Variants in RASAL2 observed in about 807,000 individuals in gnomAD.
The protein encoded by RASAL2 is ras GTPase-activating protein nGAP.
A neutral mutation model predicts 128.9 loss-of-function variants in RASAL2; 58 were observed. That is an observed-to-expected ratio of 0.45 (90% CI 0.36 to 0.56). RASAL2 has a LOEUF of 0.56. Ranked by LOEUF, RASAL2 falls within the 20% of genes least tolerant of loss-of-function variation. The pLI is 0.00. For synonymous variants in RASAL2, 561 were observed against 580.8 expected, an observed-to-expected ratio of 0.97 and a Z score of 0.49; for missense variants, 1,360 against 1,601.6, an observed-to-expected ratio of 0.85 and a Z score of 2.57.
chr1:178,464,416 G>A lies in RASAL2; in HGVS notation c.3387+4G>A, dbSNP rs373963859. The A allele has an allele frequency of 7.8e-5, 126 of 1,612,298 alleles. No homozygotes were observed. The highest frequency in any genetic ancestry group is 1.0e-4 in the Non-Finnish European group (121 of 1,179,388). On this transcript the variant is annotated splice_donor_region_variant and intron_variant, in intron 15 of 17. Transcript: ENST00000367649. Reference sequence around the variant, plus strand: ...TGAAGCCAAGCATGCTGAGAAGGTAGAACCTAGTCTGCTTCATCAACTTTC... The same window carrying A: ...TGAAGCCAAGCATGCTGAGAAGGTAAAACCTAGTCTGCTTCATCAACTTTC...
chr1:178,105,499 G>A (rs1659054924), intron 1 of RASAL2, among the ~76,000 whole-genome samples: 1 of 152,146 alleles, frequency 6.6e-6, no homozygotes, highest in Non-Finnish European at 1.5e-5. Flanking sequence ...TAATACTCTG[G>A]AGGTTTGTAG....
intron 2 of RASAL2, among the ~76,000 whole-genome samples, chr1:178,297,390 T>G (rs1039011865): frequency 6.6e-6 from 1 of 151,314 alleles, no homozygotes; most frequent in Non-Finnish European, 1.5e-5. Flanking sequence ...TCACCTGAGG[T>G]CAGGAGTTTG....
chr1:178,175,975 G>C (rs1002804988), intron 1 of RASAL2, among the ~76,000 whole-genome samples: 1 of 152,118 alleles, frequency 6.6e-6, no homozygotes, highest in Non-Finnish European at 1.5e-5. Flanking sequence ...ACTTAGGTTA[G>C]TTCCATGTCT....
At chr1:178,276,876 C>T (rs1260916728) in intron 1 of RASAL2, among the ~76,000 whole-genome samples, 5 of 151,850 alleles carry the variant, frequency 3.3e-5, no homozygotes, top group African/African-American at 9.7e-5. Context: ...TGGCCGGGCA[C>T]AGTGGCTCAT....
At position 178,459,946 on chromosome 1, in the gene RASAL2, G is replaced by A. The variant is rs192350575; in HGVS notation, c.3252+1402G>A. ...ATTTTTTATATATAAATGTGTATGT[G>A]TATATAAGCATAAAATGTATGTGTT... On this transcript the variant is annotated intron_variant, in intron 14 of 17. Coordinates refer to ENST00000367649, the MANE Select transcript of RASAL2 (RefSeq NM_170692.4). 4.6e-5 allele frequency among the ~76,000 whole-genome samples: 7 copies of A among 152,260 alleles called. No individual in the cohort carries two copies. In the East Asian group the frequency reaches 1.3e-3, roughly 29 times the overall value.
At chr1:178,146,775 A>G (rs368415372) in intron 1 of RASAL2, among the ~76,000 whole-genome samples, 5 of 152,226 alleles carry the variant, frequency 3.3e-5, no homozygotes, top group Non-Finnish European at 5.9e-5. Context: ...TATATTTGCT[A>G]TAAGATTGCT....
At chr1:178,103,190 C>T (rs548605634) in intron 1 of RASAL2, among the ~76,000 whole-genome samples, 15 of 152,140 alleles carry the variant, frequency 9.9e-5, no homozygotes, top group South Asian at 2.1e-4. Context: ...TTCTTCCCCC[C>T]GCCCCTCACT....
rs899144666 is a variant in RASAL2 at position 178,309,462 on chromosome 1, C to T, written c.457+9344C>T. Among the ~76,000 whole-genome samples, 9 of 152,118 alleles carry T rather than the reference C, an allele frequency of 5.9e-5. No individual in the cohort carries two copies. The East Asian group carries it at 1.7e-3, about 29-fold the overall frequency. On this transcript the variant is annotated intron_variant, in intron 3 of 17. Coordinates refer to ENST00000367649, the MANE Select transcript of RASAL2 (RefSeq NM_170692.4). ...TTATGAATAATTAAGGTAGAAAACC[C>T]TGGAAAAATCTTCCTCAAGGTTTTG...
At chr1:178,122,291 A>T (rs1158764267) in intron 1 of RASAL2, among the ~76,000 whole-genome samples, 1 of 152,208 alleles carries the variant, frequency 6.6e-6, no homozygotes, top group Non-Finnish European at 1.5e-5. Flanking sequence ...AAAAAATACG[A>T]CAAGTATGGG....
At chr1:178,416,892 G>A (rs2102731543) in intron 4 of RASAL2, among the ~76,000 whole-genome samples, 1 of 151,476 alleles carries the variant, frequency 6.6e-6, no homozygotes, top group African/African-American at 2.4e-5. Flanking sequence ...GGCTTCTTTA[G>A]GATTTTTTCT....
intron 3 of RASAL2, among the ~76,000 whole-genome samples, chr1:178,356,185 A>C (rs888599031): frequency 3.3e-5 from 5 of 151,534 alleles, no homozygotes; most frequent in Admixed American, 6.6e-5. Context: ...AAAAAAAAAA[A>C]AAAACCCACA....
intron 1 of RASAL2, among the ~76,000 whole-genome samples, chr1:178,225,928 C>T (rs1663769314): frequency 6.6e-6 from 1 of 152,140 alleles, no homozygotes; most frequent in Admixed American, 6.5e-5. Flanking sequence ...TCTTAGCACA[C>T]TATCATGAGC....
chr1:178,110,064 A>G (rs941187228), intron 1 of RASAL2, among the ~76,000 whole-genome samples: 2 of 152,174 alleles, frequency 1.3e-5, no homozygotes, highest in Non-Finnish European at 2.9e-5. Context: ...AATTGCAACA[A>G]CAAACTACAC....
rs944046019 is a variant in RASAL2, at chr1:178,094,304, G to A, written c.-189G>A. The A allele has an allele frequency of 1.7e-6, 1 of 571,998 alleles. No homozygotes were observed. Among genetic ancestry groups the A allele is most frequent in the East Asian group, 3.2e-5 (1 of 30,880 alleles). 35.4% of individuals were successfully genotyped at this position (571,998 alleles called of 1,614,324 possible). A position where few individuals can be genotyped will look rare whatever the true frequency, so the allele number is the denominator to read the frequency against. ...TGGGTCCCGCCCGCCGACTGCAGGT[G>A]GGCTGCATCGCCCGAGCCTCGGGCA... On this transcript the variant is annotated 5_prime_UTR_variant, in exon 1 of 18. Coordinates refer to ENST00000367649, the MANE Select transcript of RASAL2 (RefSeq NM_170692.4).
chr1:178,289,482 G>C (rs1165558336), intron 2 of RASAL2, among the ~76,000 whole-genome samples: 1 of 151,916 alleles, frequency 6.6e-6, no homozygotes, highest in Non-Finnish European at 1.5e-5. Context: ...ACATATCACT[G>C]TTCTCTCTCT....
At chr1:178,332,222 C>G (rs1156787854) in intron 3 of RASAL2, among the ~76,000 whole-genome samples, 1 of 151,968 alleles carries the variant, frequency 6.6e-6, no homozygotes, top group African/African-American at 2.4e-5. Flanking sequence ...TGTTCTCGGC[C>G]GGGCACAGTG....
chr1:178,450,489 C>T (rs1006459128), intron 9 of RASAL2, among the ~76,000 whole-genome samples: 2 of 152,094 alleles, frequency 1.3e-5, no homozygotes, highest in Admixed American at 6.6e-5. Context: ...AAAATTATCG[C>T]TTCTCATCTC....
chr1:178,367,561 A>G (rs1671469191), intron 3 of RASAL2, among the ~76,000 whole-genome samples: 1 of 152,134 alleles, frequency 6.6e-6, no homozygotes, highest in Non-Finnish European at 1.5e-5. Context: ...GGTCTAAAAT[A>G]TGCTTGGCAC....
At chr1:178,373,274 C>CTTTTTTTTTCTTTTTTTTTTTTTTT (rs1671814852) in intron 3 of RASAL2, among the ~76,000 whole-genome samples, 1 of 60,072 alleles carries the variant, frequency 1.7e-5, no homozygotes, top group African/African-American at 7.4e-5. Flanking sequence ...TGTTTCTTTC[C>CTTTTTTTTTCTTTTTTTTTTTTTTT]TTTTTTTTTT....
Sources: allele counts gnomAD v4.1 joint callset (sites outside exome capture counted in the v4.1 genomes callset), GRCh38; gene constraint gnomAD v4.1.1; transcripts MANE v1.5; gene names NCBI Gene and HGNC (gene_info 2026-07-23, HGNC 2026-07-21).